SCTR: variants seen among roughly 807,000 people sequenced by gnomAD.
SCTR encodes pancreatic secretin receptor.
SCTR carries 56 observed loss-of-function variants against 60.8 expected under a neutral mutation model. The observed-to-expected ratio is 0.92, with a 90% CI of 0.74 to 1.15. The LOEUF is 1.15. Ranked by LOEUF, SCTR falls within the 50% of genes most tolerant of loss-of-function variation. The pLI is 0.00. For synonymous variants in SCTR, 202 were observed against 217.0 expected (o/e 0.93, Z 0.61); for missense variants, 562 against 550.4 (o/e 1.02, Z -0.21).
chr2:119,447,182 G>A (rs946191122), intron 10 of SCTR, among the ~76,000 whole-genome samples: 7 of 151,470 alleles, frequency 4.6e-5, no homozygotes, highest in African/African-American at 1.5e-4. Flanking sequence ...TATAAATTAC[G>A]TGCCTATATC....
chr2:119,484,205 C>T (rs1677762279), intron 2 of SCTR, among the ~76,000 whole-genome samples: 1 of 152,138 alleles, frequency 6.6e-6, no homozygotes, highest in South Asian at 2.1e-4. Context: ...GGGTCACCGC[C>T]CCAGGAGAGC....
In SCTR at chr2:119,440,143, C is replaced by T; in HGVS notation, c.1297G>A (p.Gly433Ser). 6.2e-7 allele frequency: 1 copy of T among 1,613,976 alleles called. No individual in the cohort carries two copies. Among genetic ancestry groups the T allele is most frequent in the Non-Finnish European group, 8.5e-7 (1 of 1,179,966 alleles). The change falls in exon 13 of 13, where the codon GGC becomes AGC. Residue 433 changes from glycine to serine, a missense_variant. Coordinates refer to ENST00000019103, the MANE Select transcript of SCTR (RefSeq NM_002980.3). ...TKASHLEQSQ[G>S]TCRTSII is the part of the protein sequence containing the mutation. ...CAGATGATGCTGGTCCTGCAGGTGC[C>T]CTGGCTCTGCTCCAAGTGGCTGGCC...
intron 4 of SCTR, among the ~76,000 whole-genome samples, chr2:119,467,210 C>G (rs947358944): frequency 6.6e-6 from 1 of 151,802 alleles, no homozygotes. Flanking sequence ...GAAACCCTGT[C>G]TCTACCAAAA....
intron 1 of SCTR, among the ~76,000 whole-genome samples, chr2:119,512,804 T>C (rs1678999012): frequency 6.6e-6 from 1 of 152,252 alleles, no homozygotes. Context: ...TACTCTGAGA[T>C]GATTCCTTTT....
At chr2:119,485,413 TGA>T (rs1348756619) in intron 2 of SCTR, among the ~76,000 whole-genome samples, 1 of 152,094 alleles carries the variant, frequency 6.6e-6, no homozygotes, top group Non-Finnish European at 1.5e-5. Flanking sequence ...GGGGGAGGAC[TGA>T]GAGAGGGGAA....
chr2:119,487,651 A>C (rs981471633), intron 2 of SCTR, among the ~76,000 whole-genome samples: 1 of 152,230 alleles, frequency 6.6e-6, no homozygotes, highest in African/African-American at 2.4e-5. Context: ...AAACAAAGTA[A>C]TAAATAGCCC....
chr2:119,479,755 G>C (rs539158794), intron 2 of SCTR: 1 of 152,230 alleles, frequency 6.6e-6, no homozygotes, highest in Non-Finnish European at 1.5e-5. Context: ...TCTCAATGCA[G>C]TGAGAAGCTG....
intron 2 of SCTR, among the ~76,000 whole-genome samples, chr2:119,482,097 C>T (rs1677636781): frequency 6.6e-6 from 1 of 152,236 alleles, no homozygotes; most frequent in South Asian, 2.1e-4. Context: ...TGTCTCCACC[C>T]AGCCCTCCAC....
intron 4 of SCTR, 23 bp downstream of exon 4, chr2:119,473,430 G>A (rs757443032): frequency 3.7e-5 from 57 of 1,550,872 alleles, no homozygotes; most frequent in East Asian, 3.6e-4. Flanking sequence ...CCGGGTTCGT[G>A]GGGTGGAGGT....
intron 1 of SCTR, among the ~76,000 whole-genome samples, chr2:119,515,738 T>C (rs564179744): frequency 4.1e-4 from 63 of 152,302 alleles, no homozygotes; most frequent in African/African-American, 1.5e-3. Flanking sequence ...TCTTCCCTGA[T>C]TCTGAGGCGG....
intron 10 of SCTR, among the ~76,000 whole-genome samples, chr2:119,448,216 CT>C (rs1683006004): frequency 2.0e-5 from 3 of 152,200 alleles, no homozygotes; most frequent in African/African-American, 7.2e-5. Context: ...TACATATCAG[CT>C]GTTTAAGCCA....
rs752812727 is a variant in SCTR, at chr2:119,494,587, A to G, written c.73-39T>C. 7 of 1,610,272 alleles carry G rather than the reference A, an allele frequency of 4.3e-6. No homozygotes were observed. In the Admixed American group the frequency reaches 1.2e-4, roughly 27 times the overall value. On this transcript the variant is annotated intron_variant, in intron 1 of 12. Coordinates refer to ENST00000019103, the MANE Select transcript of SCTR (RefSeq NM_002980.3). ...ACCAGGGATGCTCATCATTGCCACT[A>G]ACTCAATTTTGCCACATGGGGGAGA...
At chr2:119,510,309 C>A (rs1678891550) in intron 1 of SCTR, among the ~76,000 whole-genome samples, 1 of 152,008 alleles carries the variant, frequency 6.6e-6, no homozygotes, top group Non-Finnish European at 1.5e-5. Context: ...GGGGGTATGC[C>A]AACTAAAGAA....
At chr2:119,477,499 G>C (rs1036779963) in intron 3 of SCTR, among the ~76,000 whole-genome samples, 1 of 152,136 alleles carries the variant, frequency 6.6e-6, no homozygotes, top group Non-Finnish European at 1.5e-5. Flanking sequence ...CGCCCAGGCT[G>C]GGGTGCAGTG....
At chr2:119,485,611 G>T (rs931118064) in intron 2 of SCTR, among the ~76,000 whole-genome samples, 7 of 152,226 alleles carry the variant, frequency 4.6e-5, no homozygotes, top group African/African-American at 1.7e-4. Context: ...GGCCCCCGGG[G>T]CCATGCTGAA....
chr2:119,449,996 G>A (rs1436344419), intron 9 of SCTR, among the ~76,000 whole-genome samples: 1 of 102,748 alleles, frequency 9.7e-6, no homozygotes, highest in Non-Finnish European at 1.9e-5. Flanking sequence ...AAGGAAGGAA[G>A]AAAGAGGGAG....
At chr2:119,463,769 C>T (rs1028897970) in intron 6 of SCTR, among the ~76,000 whole-genome samples, 4 of 152,212 alleles carry the variant, frequency 2.6e-5, no homozygotes, top group African/African-American at 7.2e-5. Context: ...ATGACCAACC[C>T]CCACCCTCTC....
At chr2:119,473,914 T>C (rs1425371529) in intron 3 of SCTR, among the ~76,000 whole-genome samples, 32 of 152,174 alleles carry the variant, frequency 2.1e-4, no homozygotes, top group Admixed American at 2.1e-3. Flanking sequence ...TGACTTTTTC[T>C]CAGGCTCCCA....
At chr2:119,498,997 A>T (rs1438095417) in intron 1 of SCTR, among the ~76,000 whole-genome samples, 1 of 152,042 alleles carries the variant, frequency 6.6e-6, no homozygotes, top group East Asian at 1.9e-4. Context: ...ACTCACTGTA[A>T]ATATAATCTA....
Sources: gnomAD v4.1 joint callset for allele counts (sites outside exome capture counted in the v4.1 genomes callset) on GRCh38, gnomAD v4.1.1 for gene constraint, MANE v1.5 for transcripts, NCBI Gene and HGNC (gene_info 2026-07-23, HGNC 2026-07-21) for gene names.